ADAMTSL1: variants seen among roughly 807,000 people sequenced by gnomAD.
ADAMTSL1 encodes the protein ADAMTS-like protein 1.
A neutral mutation model predicts 201.8 loss-of-function variants in ADAMTSL1; 126 were observed. The observed-to-expected ratio is 0.62, with a 90% CI of 0.54 to 0.72. The LOEUF is 0.72. Among genes scored for constraint, ADAMTSL1 ranks in the 30% least tolerant of loss-of-function variants. The pLI, the probability that ADAMTSL1 is intolerant of heterozygous loss-of-function variation, is 0.00. For missense variants in ADAMTSL1, 2,679 were observed against 2,277.8 expected (o/e 1.18, Z -3.59); for synonymous variants, 1,121 against 903.4 (o/e 1.24, Z -4.32).
intron 2 of ADAMTSL1, among the ~76,000 whole-genome samples, chr9:18,315,395 C>T (rs373673721): frequency 5.9e-5 from 9 of 151,918 alleles, no homozygotes; most frequent in South Asian, 2.1e-4. Context: ...CAGTGGCGCC[C>T]GTCAGGGAGG....
At chr9:18,451,703 G>C (rs1820412525) in intron 2 of ADAMTSL1, among the ~76,000 whole-genome samples, 1 of 152,200 alleles carries the variant, frequency 6.6e-6, no homozygotes, top group South Asian at 2.1e-4. Flanking sequence ...AGCCTGAAAA[G>C]GATGGAGACT....
intron 2 of ADAMTSL1, among the ~76,000 whole-genome samples, chr9:18,318,008 G>A (rs1834474857): frequency 6.6e-6 from 1 of 152,166 alleles, no homozygotes; most frequent in Admixed American, 6.5e-5. Flanking sequence ...CACTGGACAT[G>A]TTGGATATAA....
chr9:18,192,120 C>G (rs1828995837), intron 2 of ADAMTSL1, among the ~76,000 whole-genome samples: 1 of 152,118 alleles, frequency 6.6e-6, no homozygotes, highest in Non-Finnish European at 1.5e-5. Context: ...GTCCATTTAA[C>G]TTTTCTAATA....
chr9:18,057,266 C>T (rs1299490439), intron 1 of ADAMTSL1, among the ~76,000 whole-genome samples: 6 of 152,096 alleles, frequency 3.9e-5, no homozygotes, highest in South Asian at 4.1e-4. Flanking sequence ...TTGAGTCAGA[C>T]GATTTTTCCT....
chr9:18,572,527 T>C (rs1822398232), intron 3 of ADAMTSL1, among the ~76,000 whole-genome samples: 1 of 152,200 alleles, frequency 6.6e-6, no homozygotes, highest in Non-Finnish European at 1.5e-5. Context: ...CTATGGTTTA[T>C]TCACTCTGAG....
intron 2 of ADAMTSL1, among the ~76,000 whole-genome samples, chr9:18,366,595 T>C (rs1836777531): frequency 6.6e-6 from 1 of 150,870 alleles, no homozygotes; most frequent in Non-Finnish European, 1.5e-5. Context: ...AAAACACTAT[T>C]ATTTAAATGG....
At chr9:17,932,133 A>G (rs1383162723) in intron 1 of ADAMTSL1, among the ~76,000 whole-genome samples, 1 of 152,136 alleles carries the variant, frequency 6.6e-6, no homozygotes, top group Non-Finnish European at 1.5e-5. Flanking sequence ...CTCTGTTCAG[A>G]GGAATGCTAA....
At chr9:18,654,234 A>G (rs1828481239) in intron 7 of ADAMTSL1, among the ~76,000 whole-genome samples, 1 of 152,258 alleles carries the variant, frequency 6.6e-6, no homozygotes, top group African/African-American at 2.4e-5. Flanking sequence ...ATCTCAAAAC[A>G]AAGTGCTCTT....
chr9:18,644,146 T>G (rs1827627778), intron 7 of ADAMTSL1, among the ~76,000 whole-genome samples: 1 of 151,938 alleles, frequency 6.6e-6, no homozygotes, highest in Non-Finnish European at 1.5e-5. Flanking sequence ...ATACCTGGGA[T>G]TGTTTCATTA....
At chr9:18,308,236 G>C (rs1481128424) in intron 2 of ADAMTSL1, among the ~76,000 whole-genome samples, 2 of 152,048 alleles carry the variant, frequency 1.3e-5, no homozygotes, top group African/African-American at 4.8e-5. Flanking sequence ...CCACAGGAGA[G>C]AGGGGGAAAG....
At chr9:18,305,805 C>G (rs1833886565) in intron 2 of ADAMTSL1, among the ~76,000 whole-genome samples, 1 of 152,160 alleles carries the variant, frequency 6.6e-6, no homozygotes, top group Non-Finnish European at 1.5e-5. Context: ...ACGTTCCTGC[C>G]TGTTGGCCTT....
chr9:18,431,536 T>G (rs35611544), intron 2 of ADAMTSL1, among the ~76,000 whole-genome samples: 3 of 152,180 alleles, frequency 2.0e-5, no homozygotes, highest in Non-Finnish European at 4.4e-5. Flanking sequence ...ACTCAAAATC[T>G]TAGACTTGGA....
chr9:18,783,905 C>T (rs1821548791), intron 19 of ADAMTSL1, among the ~76,000 whole-genome samples: 3 of 152,198 alleles, frequency 2.0e-5, no homozygotes, highest in African/African-American at 7.2e-5. Flanking sequence ...ATGCTACTGC[C>T]AGAGCATCTT....
chr9:18,013,926 A>C (rs56065182), intron 1 of ADAMTSL1, among the ~76,000 whole-genome samples: 5,926 of 151,632 alleles, frequency 0.039, 256 homozygotes, highest in African/African-American at 0.11. Flanking sequence ...GTCGCTTTTC[A>C]TCATTCTGTA....
At chr9:18,551,936 A>C (rs868695676) in intron 3 of ADAMTSL1, among the ~76,000 whole-genome samples, 1 of 151,756 alleles carries the variant, frequency 6.6e-6, no homozygotes, top group African/African-American at 2.4e-5. Context: ...CTGTATCTGC[A>C]TCTGTCTCCC....
At chr9:18,498,771 G>C (rs768826625) in intron 1 of ADAMTSL1, among the ~76,000 whole-genome samples, 1 of 152,168 alleles carries the variant, frequency 6.6e-6, no homozygotes, top group Non-Finnish European at 1.5e-5. Flanking sequence ...GATACAGGTT[G>C]TTCAACCTCA....
chr9:18,694,249 C>G (rs1446076783), intron 13 of ADAMTSL1, among the ~76,000 whole-genome samples: 1 of 152,074 alleles, frequency 6.6e-6, no homozygotes, highest in Admixed American at 6.6e-5. Flanking sequence ...CAAATCTGAG[C>G]CATATCATCC....
At chr9:18,578,415 C>G (rs1229935186) in intron 4 of ADAMTSL1, among the ~76,000 whole-genome samples, 1 of 152,106 alleles carries the variant, frequency 6.6e-6, no homozygotes, top group Non-Finnish European at 1.5e-5. Context: ...TTCTTATTTG[C>G]TCACTATCAT....
chr9:18,022,600 AT>A (rs1232082289), intron 1 of ADAMTSL1, among the ~76,000 whole-genome samples: 1 of 152,042 alleles, frequency 6.6e-6, no homozygotes, highest in African/African-American at 2.4e-5. Context: ...GTTGAATGTG[AT>A]TTTTATGTGT....
Sources: gnomAD v4.1 joint callset for allele counts (sites outside exome capture counted in the v4.1 genomes callset) on GRCh38, gnomAD v4.1.1 for gene constraint, MANE v1.5 for transcripts, NCBI Gene and HGNC (gene_info 2026-07-23, HGNC 2026-07-21) for gene names.